The following CCSER1 variants were observed in gnomAD, a reference collection of about 807,000 sequenced individuals.
CCSER1 encodes serine-rich coiled-coil domain-containing protein 1.
CCSER1 carries 41 observed loss-of-function variants against 82.0 expected under a neutral mutation model. The observed-to-expected ratio is 0.50, with a 90% confidence interval of 0.39 to 0.65. The LOEUF (loss-of-function observed/expected upper bound fraction) is 0.65, where lower values mean the gene tolerates loss of function less well. Ranked by LOEUF, CCSER1 falls within the 30% of genes least tolerant of loss-of-function variation. The pLI, the probability that CCSER1 is intolerant of heterozygous loss-of-function variation, is 0.00. For missense variants in CCSER1, 1,119 were observed against 1,064.2 expected (o/e 1.05, Z -0.72); for synonymous variants, 414 against 383.9 (o/e 1.08, Z -0.92).
chr4:90,195,918 A>G (rs184709223), intron 1 of CCSER1, among the ~76,000 whole-genome samples: 244 of 152,188 alleles, frequency 1.6e-3, no homozygotes, highest in African/African-American at 5.6e-3. Flanking sequence ...AGTTATATCC[A>G]TGTGAAAGTA....
intron 6 of CCSER1, among the ~76,000 whole-genome samples, chr4:90,722,227 G>T (rs1416249897): frequency 6.6e-6 from 1 of 151,730 alleles, no homozygotes; most frequent in African/African-American, 2.4e-5. Context: ...GTTTTTGAGG[G>T]TATGATACTT....
chr4:90,256,615 T>C (rs1256363931), intron 1 of CCSER1, among the ~76,000 whole-genome samples: 1 of 152,110 alleles, frequency 6.6e-6, no homozygotes, highest in Admixed American at 6.6e-5. Context: ...AAAAATACAT[T>C]AAGGTTGAGA....
intron 1 of CCSER1, among the ~76,000 whole-genome samples, chr4:90,177,669 T>A (rs936071424): frequency 1.3e-5 from 2 of 152,144 alleles, no homozygotes; most frequent in Non-Finnish European, 2.9e-5. Context: ...AAATTCATCA[T>A]TGCATTTGTA....
intron 1 of CCSER1, among the ~76,000 whole-genome samples, chr4:90,153,393 A>G (rs1000664264): frequency 5.9e-4 from 89 of 152,110 alleles, no homozygotes; most frequent in Non-Finnish European, 1.1e-3. Flanking sequence ...TCCTTTGGGT[A>G]TATACCCAGT....
At chr4:90,353,108 C>T (rs1743789440) in intron 3 of CCSER1, among the ~76,000 whole-genome samples, 1 of 152,170 alleles carries the variant, frequency 6.6e-6, no homozygotes, top group South Asian at 2.1e-4. Flanking sequence ...TTCCCACTTC[C>T]TTCCCTGAGG....
intron 10 of CCSER1, among the ~76,000 whole-genome samples, chr4:91,292,341 T>G (rs1743813926): frequency 6.6e-6 from 1 of 152,068 alleles, no homozygotes; most frequent in African/African-American, 2.4e-5. Context: ...TGTATCATTT[T>G]AAGGCAAAAG....
chr4:91,126,107 A>AT (rs777156653), intron 10 of CCSER1, among the ~76,000 whole-genome samples: 120 of 151,836 alleles, frequency 7.9e-4, no homozygotes, highest in Admixed American at 3.2e-3. Context: ...TCTAAGATAA[A>AT]TTTTTTGTAT....
chr4:91,455,100 A>G (rs2149423973), intron 10 of CCSER1, among the ~76,000 whole-genome samples: 1 of 152,248 alleles, frequency 6.6e-6, no homozygotes, highest in South Asian at 2.1e-4. Context: ...TTACTCACAA[A>G]ATATTTGAGT....
rs912337384 is a variant in CCSER1, at chr4:90,251,299, A to AT, written c.-41-56938dup. On this transcript the variant is annotated intron_variant, in intron 1 of 10. Transcript: ENST00000509176. The stretch of plus-strand genomic sequence containing the variant: ...AAATATGATGATATTGAACAGTCTT[A>AT]TTTTTTTCTAATTTTAGATGTGAAA... Among the ~76,000 whole-genome samples, 5 of 151,876 alleles carry AT rather than the reference A, an allele frequency of 3.3e-5. No individual in the cohort carries two copies. In the South Asian group the frequency reaches 8.3e-4, roughly 25 times the overall value.
chr4:91,429,040 G>A (rs1754145946), intron 10 of CCSER1, among the ~76,000 whole-genome samples: 1 of 151,916 alleles, frequency 6.6e-6, no homozygotes, highest in African/African-American at 2.4e-5. Context: ...TCCAAGGCAG[G>A]AATAAATACA....
rs529389666 is a variant in CCSER1, at chr4:90,877,012, T to C, written c.2095-46358T>C. 1.1e-4 allele frequency among the ~76,000 whole-genome samples: 16 copies of C among 152,246 alleles called. 1 individual carries two copies. The South Asian group carries it at 3.3e-3, about 32-fold the overall frequency. Reference sequence around the variant, plus strand: ...TTAATGTCTGTTGAGTTAAATTACATCATCATTCTAATCCAACACTTTTTT... The same window carrying C: ...TTAATGTCTGTTGAGTTAAATTACACCATCATTCTAATCCAACACTTTTTT... On this transcript the variant is annotated intron_variant, in intron 8 of 10. Transcript: ENST00000509176.
chr4:90,746,888 G>C (rs1561061362), intron 7 of CCSER1, among the ~76,000 whole-genome samples: 3 of 152,084 alleles, frequency 2.0e-5, no homozygotes, highest in Admixed American at 2.0e-4. Context: ...TTGCAATGCT[G>C]GTAAATGACC....
chr4:91,498,251 T>C (rs1401200341), intron 10 of CCSER1, among the ~76,000 whole-genome samples: 1 of 152,000 alleles, frequency 6.6e-6, no homozygotes, highest in Non-Finnish European at 1.5e-5. Flanking sequence ...ACTTCTCCTT[T>C]CTTCTTTAGC....
At position 91,009,272 on chromosome 4, in the gene CCSER1, C is replaced by T. The variant is rs187226862; in HGVS notation, c.2173-76678C>T. Reference sequence around the variant, plus strand: ...AAGGGAGGGGACCCAAAGAGGGTAGCCGTTGCTGGCTCGAATGCCTAGGTT... The same window carrying T: ...AAGGGAGGGGACCCAAAGAGGGTAGTCGTTGCTGGCTCGAATGCCTAGGTT... On this transcript the variant is annotated intron_variant, in intron 9 of 10. Coordinates refer to ENST00000509176, the MANE Select transcript of CCSER1 (RefSeq NM_001145065.2). 2.1e-3 allele frequency among the ~76,000 whole-genome samples: 318 copies of T among 152,284 alleles called. 1 individual carries two copies. The highest frequency in any genetic ancestry group is 3.5e-3 in the Non-Finnish European group (237 of 68,026).
intron 6 of CCSER1, among the ~76,000 whole-genome samples, chr4:90,665,960 T>C (rs2149120093): frequency 6.6e-6 from 1 of 152,206 alleles, no homozygotes; most frequent in East Asian, 1.9e-4. Flanking sequence ...GCATAATTCA[T>C]TTCCTTGTTG....
At chr4:90,752,098 C>T (rs1236683666) in intron 7 of CCSER1, among the ~76,000 whole-genome samples, 1 of 152,078 alleles carries the variant, frequency 6.6e-6, no homozygotes, top group Non-Finnish European at 1.5e-5. Flanking sequence ...GCGCTAGACA[C>T]ATTTTAATTT....
chr4:90,493,706 AG>A (rs1368646133), intron 5 of CCSER1, among the ~76,000 whole-genome samples: 1 of 152,164 alleles, frequency 6.6e-6, no homozygotes, highest in Admixed American at 6.6e-5. Context: ...TTTACAGACA[AG>A]CAAATGCTGA....
intron 10 of CCSER1, among the ~76,000 whole-genome samples, chr4:91,340,170 C>G (rs887007453): frequency 6.6e-6 from 1 of 151,964 alleles, no homozygotes; most frequent in Non-Finnish European, 1.5e-5. Flanking sequence ...GATTAACAAC[C>G]GTATCTAATA....
At chr4:91,019,335 T>G (rs903613913) in intron 9 of CCSER1, among the ~76,000 whole-genome samples, 3 of 152,128 alleles carry the variant, frequency 2.0e-5, no homozygotes, top group Non-Finnish European at 4.4e-5. Flanking sequence ...ATGGGTTCTA[T>G]GTAAAGCTAT....
Sources: gnomAD v4.1 joint callset for allele counts (sites outside exome capture counted in the v4.1 genomes callset) on GRCh38, gnomAD v4.1.1 for gene constraint, MANE v1.5 for transcripts, NCBI Gene and HGNC (gene_info 2026-07-23, HGNC 2026-07-21) for gene names.